The following AMDHD1 variants were observed in gnomAD, a reference collection of about 807,000 sequenced individuals.
AMDHD1 encodes amidohydrolase domain containing 1, also known as probable imidazolonepropionase.
A neutral mutation model predicts 44.1 loss-of-function variants in AMDHD1; 45 were observed. That is an observed-to-expected ratio of 1.02 (90% CI 0.80 to 1.31). AMDHD1 has a LOEUF of 1.31. Ranked by LOEUF, AMDHD1 falls within the 50% of genes most tolerant of loss-of-function variation. The pLI is 0.00. For missense variants in AMDHD1, 586 were observed against 552.1 expected (o/e 1.06, Z -0.61); for synonymous variants, 206 against 205.0 (o/e 1.00, Z -0.04).
At chr12:95,945,120 C>A (rs963365457) in intron 1 of AMDHD1, among the ~76,000 whole-genome samples, 2 of 152,058 alleles carry the variant, frequency 1.3e-5, no homozygotes, top group Non-Finnish European at 2.9e-5. Flanking sequence ...GGTGACAGAG[C>A]GAGACTCTGT....
intron 1 of AMDHD1, among the ~76,000 whole-genome samples, chr12:95,944,015 C>T (rs1293384324): frequency 6.6e-6 from 1 of 152,128 alleles, no homozygotes; most frequent in Non-Finnish European, 1.5e-5. Flanking sequence ...TGATCTCGTA[C>T]ACTAAAGCTT....
Position 95,952,753 on chromosome 12 carries a change from T to A in AMDHD1, c.174T>A (p.Val58=). ...GFIKAIGPAD[V]IQRQFSGETF... The stretch of plus-strand genomic sequence containing the variant: ...TAAAAGCTATTGGTCCTGCTGATGT[T>A]ATTCAAAGACAGTTTTCTGGAGAAA... Residue 58 remains valine (V), a synonymous_variant, in exon 2 of 9, where the codon GTT becomes GTA. Transcript: ENST00000266736. 6.2e-7 allele frequency: 1 copy of A among 1,612,936 alleles called. No homozygotes were observed. Among genetic ancestry groups the A allele is most frequent in the South Asian group, 1.1e-5 (1 of 91,042 alleles).
intron 4 of AMDHD1, among the ~76,000 whole-genome samples, chr12:95,958,655 C>G (rs1040773501): frequency 6.6e-6 from 1 of 152,156 alleles, no homozygotes; most frequent in African/African-American, 2.4e-5. Context: ...CTACTTCCAG[C>G]TGGGTGATTT....
At chr12:95,961,144 C>CAAAAAAAAAAAA (rs3051622) in intron 5 of AMDHD1, among the ~76,000 whole-genome samples, 1 of 129,650 alleles carries the variant, frequency 7.7e-6, no homozygotes, top group African/African-American at 3.0e-5. Context: ...GACTCCATCT[C>CAAAAAAAAAAAA]AAAAAAAAAA....
chr12:95,966,455 C>G lies in AMDHD1; in HGVS notation c.1140C>G (p.His380Gln), dbSNP rs778736935. Residue 380 changes from histidine to glutamine, a missense_variant, in exon 8 of 9, where the codon CAC (histidine) becomes CAG (glutamine). Coordinates refer to ENST00000266736, the MANE Select transcript of AMDHD1 (RefSeq NM_152435.3). ...AAYALGKSHT[H>Q]GSLEVGKQGD... ...ATGCACTGGGAAAGTCTCACACACA[C>G]GGATCGTTGGAAGTTGGCAAACAGG... The G allele has an allele frequency of 6.2e-7, 1 of 1,614,244 alleles. No individual in the cohort carries two copies. Among genetic ancestry groups the G allele is most frequent in the East Asian group, 2.2e-5 (1 of 44,890 alleles).
At position 95,962,403 on chromosome 12, in the gene AMDHD1, A is replaced by T. The variant is rs1431941502; in HGVS notation, c.862A>T (p.Ser288Cys). Reference protein sequence around the residue: ...AQAISHLEEVSDEGIVAMATA... With the variant: ...AQAISHLEEVCDEGIVAMATA... ...GGCAATCAGCCACCTGGAAGAAGTG[A>T]GTGATGAAGGCATCGTTGCCATGGC... Residue 288 changes from serine to cysteine, a missense_variant, in exon 6 of 9, where the codon AGT becomes TGT. Ser to Cys is a moderately radical substitution (Grantham distance 112, BLOSUM62 -1). Coordinates refer to ENST00000266736, the MANE Select transcript of AMDHD1 (RefSeq NM_152435.3). 1.2e-6 allele frequency: 2 copies of T among 1,613,710 alleles called. No individual in the cohort carries two copies. The highest frequency in any genetic ancestry group is 1.7e-6 in the Non-Finnish European group (2 of 1,179,876).
rs181158702 is a variant in AMDHD1 at position 95,954,878 on chromosome 12, T to G, written c.245-33T>G. The G allele has an allele frequency of 1.7e-5, 28 of 1,609,280 alleles. No individual in the cohort carries two copies. The East Asian group carries it at 3.8e-4, about 22-fold the overall frequency. On this transcript the variant is annotated intron_variant, in intron 2 of 8. Coordinates refer to ENST00000266736, the MANE Select transcript of AMDHD1 (RefSeq NM_152435.3). ...TGCTGTCTAAGTGCTCTCTATTTCT[T>G]AATTGTAAGATAACTTGATTTATTG...
intron 1 of AMDHD1, among the ~76,000 whole-genome samples, chr12:95,948,039 G>T (rs1361579109): frequency 1.0e-5 from 1 of 96,834 alleles, no homozygotes; most frequent in African/African-American, 4.4e-5. Flanking sequence ...AGGGAGGTGG[G>T]GGGGTCAGCC....
chr12:95,943,532 G>C lies in AMDHD1; in HGVS notation c.134G>C (p.Gly45Ala). The change falls in exon 1 of 9, where the codon GGC becomes GCC. Residue 45 changes from glycine to alanine, a missense_variant. Physicochemically the swap from Gly to Ala is moderately conservative, Grantham distance 60. Coordinates refer to ENST00000266736, the MANE Select transcript of AMDHD1 (RefSeq NM_152435.3). ...CTGGAAGGCGCCAGCCTGGTGGTGG[G>C]CAAGTAAGTGGCCGGGCGCGCAGGG... ...AVLEGASLVV[G>A]KDGFIKAIGP... The C allele has an allele frequency of 2.7e-6, 4 of 1,459,176 alleles. No individual in the cohort carries two copies. In the South Asian group the frequency reaches 4.0e-5, roughly 15 times the overall value. 90.4% of individuals were successfully genotyped at this position (1,459,176 alleles called of 1,614,324 possible). A position where few individuals can be genotyped will look rare whatever the true frequency, so the allele number is the denominator to read the frequency against.
chr12:95,958,399 A>G (rs538432592), intron 4 of AMDHD1, among the ~76,000 whole-genome samples: 3 of 152,356 alleles, frequency 2.0e-5, no homozygotes, highest in African/African-American at 7.2e-5. Flanking sequence ...TAGAAAAGAC[A>G]TAAATATTTA....
chr12:95,953,476 G>A (rs972197769), intron 2 of AMDHD1, among the ~76,000 whole-genome samples: 1 of 152,006 alleles, frequency 6.6e-6, no homozygotes, highest in Non-Finnish European at 1.5e-5. Flanking sequence ...CAAACTTTCA[G>A]TTCTACACAA....
intron 1 of AMDHD1, among the ~76,000 whole-genome samples, chr12:95,947,636 C>A (rs1200915767): frequency 1.6e-5 from 1 of 62,542 alleles, no homozygotes; most frequent in Non-Finnish European, 2.9e-5. Flanking sequence ...GGGGTCAGCC[C>A]CCCGCCCGGC....
At chr12:95,957,469 A>C (rs571084209) in intron 4 of AMDHD1, among the ~76,000 whole-genome samples, 1 of 152,202 alleles carries the variant, frequency 6.6e-6, no homozygotes, top group African/African-American at 2.4e-5. Flanking sequence ...ACATGGCCTT[A>C]CTGTAGAGAA....
intron 6 of AMDHD1, among the ~76,000 whole-genome samples, chr12:95,964,161 C>T (rs1023441682): frequency 6.6e-6 from 1 of 152,018 alleles, no homozygotes; most frequent in Non-Finnish European, 1.5e-5. Context: ...CCTATACCAG[C>T]GGAGGCTGTC....
rs189827072 is a variant in AMDHD1 at position 95,968,099 on chromosome 12, T to C, written c.*256T>C. On this transcript the variant is annotated 3_prime_UTR_variant, in exon 9 of 9. Transcript: ENST00000266736. Reference sequence around the variant, plus strand: ...TTAGTTCACAAATATTGGTTACAAATATTCTGTAGATTAATATGGTGGGGT... The same window carrying C: ...TTAGTTCACAAATATTGGTTACAAACATTCTGTAGATTAATATGGTGGGGT... 717 of 255,982 alleles carry C rather than the reference T, an allele frequency of 2.8e-3. 3 individuals carry two copies. Among genetic ancestry groups the C allele is most frequent in the Middle Eastern group, 4.9e-3 (4 of 810 alleles). The allele number at this position is 255,982 out of a possible 1,614,324, so 15.9% of individuals were successfully genotyped here. A position where few individuals can be genotyped will look rare whatever the true frequency, so the allele number is the denominator to read the frequency against.
At position 95,965,719 on chromosome 12, in the gene AMDHD1, TGAA is replaced by T; in HGVS notation, c.974_976del (p.Glu325del). ...AACCTCGAGCCAGGAAGATGTTAGA[TGAA>T]GGAGTAATAGTTGCTCTGGGAAGTG... On this transcript the variant is annotated inframe_deletion, in exon 7 of 9. Transcript: ENST00000266736. 6.2e-7 allele frequency: 1 copy of T among 1,613,246 alleles called. No homozygotes were observed. The highest frequency in any genetic ancestry group is 1.1e-5 in the South Asian group (1 of 90,844).
Position 95,943,436 on chromosome 12 carries a change from A to C in AMDHD1, c.38A>C (p.Gln13Pro). Residue 13 changes from glutamine (Q) to proline (P), a missense_variant, in exon 1 of 9, where the codon CAG (glutamine) becomes CCG (proline). Transcript: ENST00000266736. Reference protein sequence around the residue: ...SGHSLLLENAQQVVLVCARGE... With the variant: ...SGHSLLLENAPQVVLVCARGE... ...CACAGCCTCCTGCTGGAGAACGCGC[A>C]GCAAGTGGTGCTGGTGTGCGCCCGC... 1 of 1,507,076 alleles carries C rather than the reference A, an allele frequency of 6.6e-7. No individual in the cohort carries two copies. Among genetic ancestry groups the C allele is most frequent in the Non-Finnish European group, 8.8e-7 (1 of 1,134,448 alleles). 93.4% of individuals were successfully genotyped at this position (1,507,076 alleles called of 1,614,324 possible). A position where few individuals can be genotyped will look rare whatever the true frequency, so the allele number is the denominator to read the frequency against.
At chr12:95,953,375 T>C (rs887126799) in intron 2 of AMDHD1, among the ~76,000 whole-genome samples, 1 of 152,240 alleles carries the variant, frequency 6.6e-6, no homozygotes, top group Non-Finnish European at 1.5e-5. Flanking sequence ...TTCACTTGTA[T>C]CTTTGATGAT....
rs1162037454 is a variant in AMDHD1 at position 95,946,059 on chromosome 12, CTCTGTGTG to C, written c.137+2526_137+2533del. Among the ~76,000 whole-genome samples, 208 of 142,614 alleles carry C rather than the reference CTCTGTGTG, an allele frequency of 1.5e-3. 3 individuals carry two copies. The highest frequency in any genetic ancestry group is 9.4e-3 in the South Asian group (44 of 4,702). 93.6% of individuals were successfully genotyped at this position (142,614 alleles called of 152,430 possible). On this transcript the variant is annotated intron_variant, in intron 1 of 8. Transcript: ENST00000266736. ...TAAATTAAGTTCTCTCTCTCTTTCT[CTCTGTGTG>C]TGTGTGTGTGTGTGTGTGTGTGTGT...
Sources: allele counts gnomAD v4.1 joint callset (sites outside exome capture counted in the v4.1 genomes callset), GRCh38; gene constraint gnomAD v4.1.1; transcripts MANE v1.5; gene names NCBI Gene and HGNC (gene_info 2026-07-23, HGNC 2026-07-21).